Variants in GKAP1 observed in about 807,000 individuals in gnomAD.
The protein encoded by GKAP1 is G kinase anchoring protein 1, also known as G kinase-anchoring protein 1.
In GKAP1, 31 loss-of-function variants were observed where a neutral mutation model predicts 56.7. That is an observed-to-expected ratio of 0.55 (90% CI 0.41 to 0.74). The LOEUF (loss-of-function observed/expected upper bound fraction) is 0.74. Ranked by LOEUF, GKAP1 falls within the 30% of genes least tolerant of loss-of-function variation. The probability of loss-of-function intolerance (pLI) is 0.00; values close to 1 mark genes in which losing one functional copy is unlikely to be tolerated. For missense variants in GKAP1, 364 were observed against 402.3 expected (o/e 0.90, Z 0.82); for synonymous variants, 151 against 138.6 (o/e 1.09, Z -0.63).
chr9:83,757,183 G>T (rs1192222088), intron 8 of GKAP1, among the ~76,000 whole-genome samples: 2 of 152,134 alleles, frequency 1.3e-5, no homozygotes, highest in Non-Finnish European at 2.9e-5. Flanking sequence ...GTGAGAGAGA[G>T]CTTCTGGGAG....
chr9:83,751,257 T>C (rs922889301), intron 9 of GKAP1, among the ~76,000 whole-genome samples: 1 of 152,182 alleles, frequency 6.6e-6, no homozygotes, highest in African/African-American at 2.4e-5. Context: ...TCCATCATAT[T>C]CCCATGCCTT....
At chr9:83,759,268 T>C (rs1943529993) in intron 8 of GKAP1, among the ~76,000 whole-genome samples, 1 of 152,120 alleles carries the variant, frequency 6.6e-6, no homozygotes, top group Admixed American at 6.6e-5. Flanking sequence ...TTAATTTTTA[T>C]TTATTTTTTT....
chr9:83,799,089 T>G, intron 4 of GKAP1, 96 bp downstream of exon 4: 1 of 1,031,852 alleles, frequency 9.7e-7, no homozygotes. Flanking sequence ...ACAAATTGCT[T>G]CTCAGAACAG....
Position 83,787,985 on chromosome 9 carries a change from T to C in GKAP1, c.438+616A>G, listed in dbSNP as rs539436399. 1.8e-3 allele frequency among the ~76,000 whole-genome samples: 276 copies of C among 152,326 alleles called. 1 individual carries two copies. Among genetic ancestry groups the C allele is most frequent in the African/African-American group, 2.9e-3 (119 of 41,576 alleles). On this transcript the variant is annotated intron_variant, in intron 5 of 12. Transcript: ENST00000376371. Reference sequence around the variant, plus strand: ...ACTTATTTTCTATGTTCATTTAAAATTAAAATAATCGGCAGGGCACAGTGG... The same window carrying C: ...ACTTATTTTCTATGTTCATTTAAAACTAAAATAATCGGCAGGGCACAGTGG...
At chr9:83,797,729 G>A (rs1001967867) in intron 4 of GKAP1, among the ~76,000 whole-genome samples, 1 of 152,174 alleles carries the variant, frequency 6.6e-6, no homozygotes, top group African/African-American at 2.4e-5. Flanking sequence ...GGGAGCAGAA[G>A]AAAAGGCAAT....
At chr9:83,760,369 C>A (rs1263876443) in intron 8 of GKAP1, among the ~76,000 whole-genome samples, 1 of 152,014 alleles carries the variant, frequency 6.6e-6, no homozygotes, top group African/African-American at 2.4e-5. Context: ...ATATATAAAG[C>A]AAATATTATT....
chr9:83,780,306 GACTT>G, intron 7 of GKAP1, 72 bp downstream of exon 7: 1 of 852,266 alleles, frequency 1.2e-6, no homozygotes, highest in Non-Finnish European at 1.9e-6. Flanking sequence ...TCTCAAAAAA[GACTT>G]ACTGCTAAGT....
At chr9:83,772,807 G>A (rs1165274903) in intron 7 of GKAP1, among the ~76,000 whole-genome samples, 1 of 152,094 alleles carries the variant, frequency 6.6e-6, no homozygotes, top group Non-Finnish European at 1.5e-5. Context: ...ATATAAGAAT[G>A]GCTGATAAGC....
chr9:83,771,834 T>C (rs140849053), intron 7 of GKAP1, among the ~76,000 whole-genome samples: 1 of 152,332 alleles, frequency 6.6e-6, no homozygotes, highest in African/African-American at 2.4e-5. Flanking sequence ...TGCTAGCAAC[T>C]AATCAGCCTC....
chr9:83,796,716 C>T (rs903746127), intron 4 of GKAP1, among the ~76,000 whole-genome samples: 1 of 152,154 alleles, frequency 6.6e-6, no homozygotes, highest in Non-Finnish European at 1.5e-5. Flanking sequence ...ATCCGCCCAC[C>T]TAGGCCTCCC....
intron 2 of GKAP1, among the ~76,000 whole-genome samples, chr9:83,810,059 G>A (rs1343344632): frequency 1.3e-5 from 2 of 151,976 alleles, no homozygotes; most frequent in Non-Finnish European, 2.9e-5. Flanking sequence ...TGATCCTACC[G>A]CCTTAGCCTC....
chr9:83,806,018 A>G (rs1021689081), intron 3 of GKAP1, among the ~76,000 whole-genome samples: 2 of 152,056 alleles, frequency 1.3e-5, no homozygotes, highest in Non-Finnish European at 2.9e-5. Flanking sequence ...TTGGGAGGCT[A>G]AGGTGTGAGG....
intron 10 of GKAP1, among the ~76,000 whole-genome samples, chr9:83,746,443 C>T (rs1943295009): frequency 6.6e-6 from 1 of 152,110 alleles, no homozygotes; most frequent in Non-Finnish European, 1.5e-5. Context: ...TGGCTCATGC[C>T]TGTAATCCCA....
intron 3 of GKAP1, among the ~76,000 whole-genome samples, chr9:83,804,566 G>T (rs1944401036): frequency 1.6e-5 from 2 of 122,178 alleles, no homozygotes; most frequent in Non-Finnish European, 3.5e-5. Flanking sequence ...CCGTCCGGGA[G>T]GGAGGTGGGG....
chr9:83,749,095 T>C (rs560646878), intron 9 of GKAP1: 1 of 152,264 alleles, frequency 6.6e-6, no homozygotes, highest in South Asian at 2.1e-4. Context: ...ATTACAAAAA[T>C]GATACAAGTA....
At chr9:83,757,817 C>A (rs1943501853) in intron 8 of GKAP1, among the ~76,000 whole-genome samples, 1 of 150,784 alleles carries the variant, frequency 6.6e-6, no homozygotes. Context: ...AGATTTAAAA[C>A]TCTAAAAATC....
chr9:83,743,784 T>C (rs979556501), intron 10 of GKAP1, among the ~76,000 whole-genome samples: 15 of 152,264 alleles, frequency 9.9e-5, no homozygotes, highest in Admixed American at 3.3e-4. Context: ...GAACTATTCA[T>C]TTTTTTCTAG....
At chr9:83,808,347 G>A (rs1365069349) in intron 2 of GKAP1, among the ~76,000 whole-genome samples, 1 of 152,148 alleles carries the variant, frequency 6.6e-6, no homozygotes, top group Non-Finnish European at 1.5e-5. Context: ...TGTAATCCCA[G>A]TACTTTGGGA....
At chr9:83,779,340 T>C (rs977444433) in intron 7 of GKAP1, among the ~76,000 whole-genome samples, 2 of 150,924 alleles carry the variant, frequency 1.3e-5, no homozygotes, top group African/African-American at 4.9e-5. Flanking sequence ...CAAAATTATT[T>C]AGATGTGATT....
Sources: gnomAD v4.1 joint callset for allele counts (sites outside exome capture counted in the v4.1 genomes callset) on GRCh38, gnomAD v4.1.1 for gene constraint, MANE v1.5 for transcripts, NCBI Gene and HGNC (gene_info 2026-07-23, HGNC 2026-07-21) for gene names.